The following MTBP variants were observed in gnomAD, a reference collection of about 807,000 sequenced individuals.
The protein encoded by MTBP is MDM2 binding protein, also known as mdm2-binding protein.
Under a neutral mutation model 117.0 loss-of-function variants are expected in MTBP, and 101 were observed. The ratio of observed to expected loss-of-function variants is 0.86; its 90% CI spans 0.73 to 1.02. The LOEUF is 1.02. Ranked by LOEUF, MTBP falls within the 50% of genes least tolerant of loss-of-function variation. The probability of loss-of-function intolerance (pLI) is 0.00; values close to 1 mark genes in which losing one functional copy is unlikely to be tolerated. For missense variants in MTBP, 970 were observed against 1,030.9 expected (o/e 0.94, Z 0.81); for synonymous variants, 350 against 351.5 (o/e 1.00, Z 0.05).
At position 120,518,763 on chromosome 8, in the gene MTBP, A is replaced by C. The variant is rs767454134; in HGVS notation, c.2556A>C (p.Glu852Asp). ...AACACAGTATTACCGAGACTCATGAATGTTTCACTGCATGCAGCCAGCGTC... is the reference window on the plus strand; with the variant it reads ...AACACAGTATTACCGAGACTCATGACTGTTTCACTGCATGCAGCCAGCGTC... The part of the protein sequence containing the change: ...LKKHSITETH[E>D]CFTACSQRLF... Residue 852 changes from glutamate to aspartate, a missense_variant, in exon 20 of 22, where the codon GAA becomes GAC. By Grantham distance (45) the Glu-to-Asp change is conservative (BLOSUM62 2). Coordinates refer to ENST00000305949, the MANE Select transcript of MTBP (RefSeq NM_022045.5). 5 of 1,612,124 alleles carry C rather than the reference A, an allele frequency of 3.1e-6. No individual in the cohort carries two copies. The South Asian group carries it at 5.5e-5, about 18-fold the overall frequency.
At position 120,490,450 on chromosome 8, in the gene MTBP, T is replaced by A; in HGVS notation, c.1340-13T>A. On this transcript the variant is annotated splice_polypyrimidine_tract_variant and intron_variant, in intron 12 of 21. Transcript: ENST00000305949. ...ATCATTAATGTTGACCTTTTTTTTT[T>A]CTTATTTCTCAGGTTTTCCTTTTGA... The A allele has an allele frequency of 6.5e-7, 1 of 1,541,414 alleles. No individual in the cohort carries two copies.
chr8:120,519,114 C>T (rs1319618222), intron 20 of MTBP, among the ~76,000 whole-genome samples: 2 of 151,288 alleles, frequency 1.3e-5, no homozygotes, highest in Non-Finnish European at 2.9e-5. Context: ...AGTTGGCCCT[C>T]CATATCTGTG....
intron 11 of MTBP, among the ~76,000 whole-genome samples, chr8:120,477,039 G>A (rs541943197): frequency 6.6e-6 from 1 of 152,248 alleles, no homozygotes; most frequent in East Asian, 1.9e-4. Context: ...GCATGGTGCT[G>A]GTACCAAAAC....
Position 120,492,381 on chromosome 8 carries a change from T to C in MTBP, c.1447+1811T>C, listed in dbSNP as rs1388364699. 3.3e-5 allele frequency among the ~76,000 whole-genome samples: 5 copies of C among 152,336 alleles called. No homozygotes were observed. The East Asian group carries it at 5.8e-4, about 18-fold the overall frequency. On this transcript the variant is annotated intron_variant, in intron 13 of 21. Coordinates refer to ENST00000305949, the MANE Select transcript of MTBP (RefSeq NM_022045.5). ...GAAAGTTTCCAATGTAAGCATGTCT[T>C]AAGTGTCTACTTCAGTGATTTGCAA...
chr8:120,508,859 A>AGTG (rs1251084166), intron 16 of MTBP, among the ~76,000 whole-genome samples: 1 of 152,172 alleles, frequency 6.6e-6, no homozygotes, highest in Non-Finnish European at 1.5e-5. Context: ...ACATTACAAC[A>AGTG]GTGGTTTCCA....
At chr8:120,490,334 C>T (rs1208969287) in intron 12 of MTBP, 129 bp from the exon 13 acceptor site, 19 of 616,524 alleles carry the variant, frequency 3.1e-5, no homozygotes, top group Middle Eastern at 8.3e-4. Flanking sequence ...TATGTAAGGT[C>T]GAGAGAGGTG....
intron 11 of MTBP, among the ~76,000 whole-genome samples, chr8:120,477,297 C>T (rs1453108623): frequency 6.6e-6 from 1 of 152,110 alleles, no homozygotes; most frequent in Non-Finnish European, 1.5e-5. Context: ...ACCATAAAAA[C>T]CCTAGAAGAA....
chr8:120,451,039 G>C lies in MTBP; in HGVS notation c.236G>C (p.Trp79Ser). 1 of 1,612,528 alleles carries C rather than the reference G, an allele frequency of 6.2e-7. No individual in the cohort carries two copies. The highest frequency in any genetic ancestry group is 2.2e-5 in the East Asian group (1 of 44,762). Residue 79 changes from tryptophan (W) to serine (S), a missense_variant, in exon 3 of 22, where the codon TGG becomes TCG. Physicochemically the swap from Trp to Ser is radical, Grantham distance 177. Coordinates refer to ENST00000305949, the MANE Select transcript of MTBP (RefSeq NM_022045.5). ...GGAGGTATACCTGGTTCCAAGAAGT[G>C]GTTCTTTGCAGTGCAGGCAATATAT... ...SVGGIPGSKK[W>S]FFAVQAIYGF... is the part of the protein sequence containing the mutation.
At chr8:120,501,333 G>T (rs1194336172) in intron 14 of MTBP, among the ~76,000 whole-genome samples, 1 of 152,122 alleles carries the variant, frequency 6.6e-6, no homozygotes, top group Non-Finnish European at 1.5e-5. Context: ...GTGCACTCCA[G>T]CCTGGGCGAC....
intron 12 of MTBP, 147 bp downstream of exon 12, chr8:120,488,479 T>A: frequency 1.6e-6 from 1 of 617,316 alleles, no homozygotes; most frequent in Non-Finnish European, 2.4e-6. Flanking sequence ...ACCTTTTATT[T>A]AAAACATATT....
At chr8:120,514,137 G>A (rs1050050169) in intron 17 of MTBP, among the ~76,000 whole-genome samples, 5 of 151,614 alleles carry the variant, frequency 3.3e-5, no homozygotes, top group Non-Finnish European at 7.4e-5. Context: ...TTTGATGTAC[G>A]TATGTATAGT....
intron 2 of MTBP, among the ~76,000 whole-genome samples, chr8:120,450,555 A>T (rs1813316591): frequency 6.6e-6 from 1 of 152,160 alleles, no homozygotes; most frequent in Non-Finnish European, 1.5e-5. Context: ...CATCTTCCTT[A>T]TCTTTAGACT....
intron 11 of MTBP, among the ~76,000 whole-genome samples, chr8:120,478,982 T>G (rs2130563163): frequency 6.6e-6 from 1 of 152,334 alleles, no homozygotes; most frequent in East Asian, 1.9e-4. Context: ...CACCATGGAA[T>G]ACTGTGGAAC....
intron 11 of MTBP, among the ~76,000 whole-genome samples, chr8:120,484,069 AATAAG>A (rs1188954948): frequency 8.5e-5 from 13 of 152,250 alleles, no homozygotes; most frequent in Admixed American, 3.9e-4. Flanking sequence ...TTTTGAGGAA[AATAAG>A]ATTGTTGTAA....
chr8:120,509,888 G>T (rs975473764), intron 16 of MTBP, 46 bp from the exon 17 acceptor site: 32 of 1,306,750 alleles, frequency 2.4e-5, no homozygotes, highest in Non-Finnish European at 3.3e-5. Flanking sequence ...CTTTCTTTTT[G>T]TCAGTAAATA....
rs532679569 is a variant in MTBP at position 120,516,613 on chromosome 8, A to G, written c.2246+422A>G. Among the ~76,000 whole-genome samples the G allele has an allele frequency of 5.3e-5, 8 of 152,170 alleles. No homozygotes were observed. The East Asian group carries it at 1.5e-3, about 29-fold the overall frequency. On this transcript the variant is annotated intron_variant, in intron 18 of 21. Coordinates refer to ENST00000305949, the MANE Select transcript of MTBP (RefSeq NM_022045.5). ...GTACCATTTTTAAAACACCTGTTACATATAAAATATAGCTTTAAACACTGC... is the reference window on the plus strand; with the variant it reads ...GTACCATTTTTAAAACACCTGTTACGTATAAAATATAGCTTTAAACACTGC...
At chr8:120,499,033 A>G (rs998589122) in intron 14 of MTBP, among the ~76,000 whole-genome samples, 2 of 152,218 alleles carry the variant, frequency 1.3e-5, no homozygotes, top group Non-Finnish European at 2.9e-5. Context: ...GATGAACACA[A>G]TCTACAGTCA....
At chr8:120,517,321 G>T (rs1814936667) in intron 18 of MTBP, among the ~76,000 whole-genome samples, 1 of 151,974 alleles carries the variant, frequency 6.6e-6, no homozygotes, top group African/African-American at 2.4e-5. Flanking sequence ...TAACAGAAAA[G>T]TATAAATATT....
chr8:120,464,238 A>G (rs1257584291), intron 10 of MTBP, among the ~76,000 whole-genome samples: 2 of 151,984 alleles, frequency 1.3e-5, no homozygotes, highest in African/African-American at 4.8e-5. Flanking sequence ...ATTTATGGCT[A>G]CTTTAACAGT....
Sources: gnomAD v4.1 joint callset for allele counts (sites outside exome capture counted in the v4.1 genomes callset) on GRCh38, gnomAD v4.1.1 for gene constraint, MANE v1.5 for transcripts, NCBI Gene and HGNC (gene_info 2026-07-23, HGNC 2026-07-21) for gene names.